TXLNB: variants seen among roughly 807,000 people sequenced by gnomAD.
TXLNB encodes the protein beta-taxilin.
In TXLNB, 37 loss-of-function variants were observed where a neutral mutation model predicts 57.4. The ratio of observed to expected loss-of-function variants is 0.64; its 90% CI spans 0.50 to 0.85. The LOEUF is 0.85. Ranked by LOEUF, TXLNB falls within the 40% of genes least tolerant of loss-of-function variation. The pLI, the probability that TXLNB is intolerant of heterozygous loss-of-function variation, is 0.00. For missense variants in TXLNB, 848 were observed against 825.6 expected (o/e 1.03, Z -0.33); for synonymous variants, 302 against 309.6 (o/e 0.98, Z 0.26).
chr6:139,314,534 A>G, the TXLNB span, among the ~76,000 whole-genome samples: 37 of 152,168 alleles, frequency 2.4e-4, no homozygotes, highest in African/African-American at 8.4e-4. Context: ...CTATCTCCCT[A>G]CATCGCATAA....
the TXLNB span, among the ~76,000 whole-genome samples, chr6:139,167,534 G>A: frequency 6.6e-6 from 1 of 152,280 alleles, no homozygotes; most frequent in African/African-American, 2.4e-5. Context: ...TGTCCTAGCG[G>A]ATAATTTTGT....
At chr6:139,266,069 A>T (rs1776608003) in intron 4 of TXLNB, among the ~76,000 whole-genome samples, 1 of 152,244 alleles carries the variant, frequency 6.6e-6, no homozygotes. Context: ...CTCAAGAGAC[A>T]AAGTTTATGG....
At chr6:139,175,628 T>C in the TXLNB span, among the ~76,000 whole-genome samples, 1 of 152,172 alleles carries the variant, frequency 6.6e-6, no homozygotes, top group Non-Finnish European at 1.5e-5. Flanking sequence ...ACCTGGGATC[T>C]AGACCGACCT....
At chr6:139,255,382 T>C (rs1417608428) in intron 7 of TXLNB, 182 bp downstream of exon 7, 1 of 671,164 alleles carries the variant, frequency 1.5e-6, no homozygotes, top group Non-Finnish European at 2.8e-6. Flanking sequence ...TTCATAGATA[T>C]AATATTGTGC....
chr6:139,187,076 T>C, the TXLNB span, among the ~76,000 whole-genome samples: 2 of 152,230 alleles, frequency 1.3e-5, no homozygotes, highest in East Asian at 1.9e-4. Context: ...GTCAAACTTA[T>C]TAAATTGTAT....
chr6:139,246,020 A>G (rs1317213363), intron 8 of TXLNB, among the ~76,000 whole-genome samples: 3 of 152,162 alleles, frequency 2.0e-5, no homozygotes, highest in African/African-American at 4.8e-5. Flanking sequence ...AAGGTCATCA[A>G]TCTTTTTAAG....
chr6:139,223,291 T>C, the TXLNB span, among the ~76,000 whole-genome samples: 2 of 152,150 alleles, frequency 1.3e-5, no homozygotes, highest in Non-Finnish European at 2.9e-5. Context: ...TCAAAACTTG[T>C]GGGATGCAGT....
chr6:139,320,806 C>T, the TXLNB span, among the ~76,000 whole-genome samples: 1 of 152,142 alleles, frequency 6.6e-6, no homozygotes, highest in Non-Finnish European at 1.5e-5. Context: ...CTATATCTCT[C>T]CCATGCTACA....
At chr6:139,305,420 T>C in the TXLNB span, among the ~76,000 whole-genome samples, 1 of 152,114 alleles carries the variant, frequency 6.6e-6, no homozygotes, top group African/African-American at 2.4e-5. Flanking sequence ...CTATGGATTA[T>C]AACCATATGC....
downstream of TXLNB, among the ~76,000 whole-genome samples, chr6:139,235,271 A>G (rs911745310): frequency 6.6e-6 from 1 of 152,212 alleles, no homozygotes; most frequent in Non-Finnish European, 1.5e-5. Context: ...GGATGTCAAG[A>G]GGAACACATG....
the TXLNB span, among the ~76,000 whole-genome samples, chr6:139,185,510 G>T: frequency 2.0e-5 from 3 of 152,106 alleles, no homozygotes; most frequent in Non-Finnish European, 4.4e-5. Flanking sequence ...GACCATCCTG[G>T]CTAACACGGT....
chr6:139,216,836 A>G, the TXLNB span, among the ~76,000 whole-genome samples: 2 of 152,154 alleles, frequency 1.3e-5, no homozygotes, highest in South Asian at 2.1e-4. Context: ...AGGCATAAGT[A>G]TGATATAATG....
the TXLNB span, among the ~76,000 whole-genome samples, chr6:139,232,732 A>C: frequency 3.9e-5 from 6 of 152,354 alleles, no homozygotes; most frequent in South Asian, 6.2e-4. Context: ...TTTGTTTTAG[A>C]ACCCTGACCT....
the TXLNB span, among the ~76,000 whole-genome samples, chr6:139,204,085 C>G: frequency 6.6e-6 from 1 of 151,278 alleles, no homozygotes; most frequent in South Asian, 2.1e-4. Context: ...GAGTCTTGCT[C>G]TGTCACCCAG....
At chr6:139,181,246 A>AACTT in the TXLNB span, among the ~76,000 whole-genome samples, 34 of 152,392 alleles carry the variant, frequency 2.2e-4, no homozygotes, top group African/African-American at 8.2e-4. Context: ...GGTGAAATCA[A>AACTT]ACTTACTAGC....
chr6:139,319,078 G>A, the TXLNB span, among the ~76,000 whole-genome samples: 1 of 151,538 alleles, frequency 6.6e-6, no homozygotes, highest in African/African-American at 2.4e-5. Flanking sequence ...AAGTAGCTGG[G>A]ACTACAGGCA....
chr6:139,217,063 A>G, the TXLNB span, among the ~76,000 whole-genome samples: 3 of 152,004 alleles, frequency 2.0e-5, no homozygotes, highest in African/African-American at 7.3e-5. Context: ...TACAATGCCT[A>G]TCCTTAGAAC....
chr6:139,232,973 G>T, the TXLNB span, among the ~76,000 whole-genome samples: 1 of 152,156 alleles, frequency 6.6e-6, no homozygotes, highest in African/African-American at 2.4e-5. Flanking sequence ...GTGTGGAAAA[G>T]CTTTGTAACA....
chr6:139,193,999 GC>G, the TXLNB span, among the ~76,000 whole-genome samples: 1 of 150,308 alleles, frequency 6.7e-6, no homozygotes, highest in Non-Finnish European at 1.5e-5. Flanking sequence ...CCGCCACCAC[GC>G]CCGGCCAATT....
Sources: allele counts gnomAD v4.1 joint callset (sites outside exome capture counted in the v4.1 genomes callset), GRCh38; gene constraint gnomAD v4.1.1; transcripts MANE v1.5; gene names NCBI Gene and HGNC (gene_info 2026-07-23, HGNC 2026-07-21).